Variants in PLAAT5 observed in about 807,000 individuals in gnomAD.
PLAAT5 encodes the protein phospholipase A and acyltransferase 5, also known as Ca(2+)-independent N-acyltransferase.
A neutral mutation model predicts 27.8 loss-of-function variants in PLAAT5; 27 were observed. The observed-to-expected ratio is 0.97, with a 90% CI of 0.72 to 1.34. The LOEUF is 1.34. PLAAT5 is among the 40% of genes most tolerant of loss of function. The probability of loss-of-function intolerance (pLI) is 0.00; values close to 1 mark genes in which losing one functional copy is unlikely to be tolerated. For synonymous variants in PLAAT5, 125 were observed against 136.1 expected (o/e 0.92, Z 0.57); for missense variants, 368 against 343.8 (o/e 1.07, Z -0.56).
At position 63,488,955 on chromosome 11, in the gene PLAAT5, C is replaced by T. The variant is rs2016499987; in HGVS notation, c.261G>A (p.Leu87=). The stretch of plus-strand genomic sequence containing the variant: ...CTGCTTTCTGGCTGGGTGTGGTCTC[C>T]AAGCTAACTACAGCCTTCTCCCTAA... The part of the protein sequence containing the change: ...IQQGEKAVVS[L]ETTPSQKADW... Residue 87 remains leucine (L), a synonymous_variant, in exon 3 of 6, where the codon TTG becomes TTA. Coordinates refer to ENST00000540857, the MANE Select transcript of PLAAT5 (RefSeq NM_001146729.2). The T allele has an allele frequency of 6.2e-7, 1 of 1,612,548 alleles. No homozygotes were observed. Among genetic ancestry groups the T allele is most frequent in the South Asian group, 1.1e-5 (1 of 90,948 alleles).
chr11:63,467,182 C>A (rs1250257318), intron 4 of PLAAT5, among the ~76,000 whole-genome samples: 2 of 152,076 alleles, frequency 1.3e-5, no homozygotes, highest in Non-Finnish European at 2.9e-5. Flanking sequence ...TGAAGAAAAT[C>A]TGCTGATTTT....
chr11:63,483,805 A>ATATATATATATG (rs1565215245), intron 3 of PLAAT5, among the ~76,000 whole-genome samples: 1 of 36,276 alleles, frequency 2.8e-5, no homozygotes, highest in Non-Finnish European at 4.4e-5. Context: ...ATATATGTAT[A>ATATATATATATG]TATATATATA....
chr11:63,484,470 G>A (rs1435271733), intron 3 of PLAAT5, among the ~76,000 whole-genome samples: 1 of 152,152 alleles, frequency 6.6e-6, no homozygotes, highest in Non-Finnish European at 1.5e-5. Flanking sequence ...TTATAGCAGG[G>A]ATGCAGGGAT....
At position 63,463,076 on chromosome 11, in the gene PLAAT5, G is replaced by A. The variant is rs530336053; in HGVS notation, c.*427C>T. 1 of 164,018 alleles carries A rather than the reference G, an allele frequency of 6.1e-6. No individual in the cohort carries two copies. The highest frequency in any genetic ancestry group is 1.8e-4 in the South Asian group (1 of 5,606). 10.2% of individuals were successfully genotyped at this position (164,018 alleles called of 1,614,324 possible). A position where few individuals can be genotyped will look rare whatever the true frequency, so the allele number is the denominator to read the frequency against. On this transcript the variant is annotated 3_prime_UTR_variant, in exon 6 of 6. Transcript: ENST00000540857. ...GATTATCATAAATGGAAAGAAGCTA[G>A]AGACATTTTAGTTAAATAAAAAGAA...
chr11:63,490,817 G>A (rs556717686), intron 1 of PLAAT5, 70 bp downstream of exon 1: 340 of 1,406,694 alleles, frequency 2.4e-4, no homozygotes, highest in Non-Finnish European at 3.4e-5. Flanking sequence ...AAGGAGCTTT[G>A]AGGGTAACCG....
chr11:63,477,544 C>T (rs1290694923), intron 3 of PLAAT5, among the ~76,000 whole-genome samples: 1 of 151,450 alleles, frequency 6.6e-6, no homozygotes, highest in Non-Finnish European at 1.5e-5. Context: ...GGTGTGATCT[C>T]GGCCCACTGC....
intron 3 of PLAAT5, among the ~76,000 whole-genome samples, chr11:63,483,822 T>A (rs1449626520): frequency 0.01 from 1,059 of 103,342 alleles, 43 homozygotes; most frequent in African/African-American, 0.037. Context: ...TATATATATA[T>A]ATATATATAT....
At position 63,490,621 on chromosome 11, in the gene PLAAT5, C is replaced by A. The variant is rs1185676263; in HGVS notation, c.148+266G>T. The stretch of plus-strand genomic sequence containing the variant: ...TAAGCCCGATGGGAGGAACCTCTGC[C>A]GAGCCAGAGCCGGTCTTAACACCAC... On this transcript the variant is annotated intron_variant, in intron 1 of 5. Coordinates refer to ENST00000540857, the MANE Select transcript of PLAAT5 (RefSeq NM_001146729.2). The A allele has an allele frequency of 4.9e-6, 3 of 606,892 alleles. No individual in the cohort carries two copies. In the Admixed American group the frequency reaches 9.0e-5, roughly 18 times the overall value. 37.6% of individuals were successfully genotyped at this position (606,892 alleles called of 1,614,324 possible). A position where few individuals can be genotyped will look rare whatever the true frequency, so the allele number is the denominator to read the frequency against.
At chr11:63,488,254 T>C (rs2016483266) in intron 3 of PLAAT5, among the ~76,000 whole-genome samples, 1 of 152,124 alleles carries the variant, frequency 6.6e-6, no homozygotes, top group African/African-American at 2.4e-5. Context: ...ACAAAAAGCA[T>C]ATCAGTTGTT....
At chr11:63,476,536 C>T (rs1454829398) in intron 3 of PLAAT5, among the ~76,000 whole-genome samples, 2 of 152,136 alleles carry the variant, frequency 1.3e-5, no homozygotes, top group Non-Finnish European at 2.9e-5. Flanking sequence ...TGTCATCCCA[C>T]TGCCTTCTGG....
At chr11:63,477,213 G>T (rs1052022744) in intron 3 of PLAAT5, among the ~76,000 whole-genome samples, 16 of 152,282 alleles carry the variant, frequency 1.1e-4, no homozygotes, top group African/African-American at 3.8e-4. Flanking sequence ...AGTCTCTACT[G>T]TTTTTGTGTG....
At chr11:63,478,120 A>G (rs537275708) in intron 3 of PLAAT5, among the ~76,000 whole-genome samples, 90 of 152,284 alleles carry the variant, frequency 5.9e-4, no homozygotes, top group African/African-American at 2.1e-3. Flanking sequence ...TTGGTCTTCC[A>G]TGATTGTCAC....
chr11:63,482,778 G>C (rs2016317409), intron 3 of PLAAT5, among the ~76,000 whole-genome samples: 1 of 152,142 alleles, frequency 6.6e-6, no homozygotes, highest in South Asian at 2.1e-4. Flanking sequence ...AAAATTGACT[G>C]TAAATGGCCT....
chr11:63,483,814 T>TATATAC, intron 3 of PLAAT5, among the ~76,000 whole-genome samples: 2 of 98,950 alleles, frequency 2.0e-5, no homozygotes, highest in South Asian at 6.8e-4. Flanking sequence ...TATATATATA[T>TATATAC]ATATATATAT....
At chr11:63,464,443 G>A (rs549667203) in intron 5 of PLAAT5, among the ~76,000 whole-genome samples, 14 of 152,234 alleles carry the variant, frequency 9.2e-5, no homozygotes, top group African/African-American at 3.1e-4. Flanking sequence ...GGGTCACGAG[G>A]TCAAGAGATT....
chr11:63,466,118 T>C lies in PLAAT5; in HGVS notation c.709A>G (p.Ser237Gly). 1.2e-6 allele frequency: 2 copies of C among 1,613,812 alleles called. No individual in the cohort carries two copies. The highest frequency in any genetic ancestry group is 2.7e-5 in the African/African-American group (2 of 75,016). ...AGCAAATGGGGTCACACCTGCTGGCTCCGGGGTACGCCATATCTGAGGCCA... is the reference window on the plus strand; with the variant it reads ...AGCAAATGGGGTCACACCTGCTGGCCCCGGGGTACGCCATATCTGAGGCCA... ...VNGLRYGVPR[S>G]QQVEHALMEG... Residue 237 changes from serine to glycine, a missense_variant, in exon 5 of 6, where the codon AGC becomes GGC. Transcript: ENST00000540857.
In PLAAT5 at chr11:63,466,291, A is replaced by G; in HGVS notation, c.536T>C (p.Leu179Pro). 1 of 1,614,210 alleles carries G rather than the reference A, an allele frequency of 6.2e-7. No individual in the cohort carries two copies. Among genetic ancestry groups the G allele is most frequent in the Non-Finnish European group, 8.5e-7 (1 of 1,180,034 alleles). ...VVKYSRLEDV[L>P]HGCSWKVNNK... The stretch of plus-strand genomic sequence containing the variant: ...ATTGACCTTCCAGGAGCAGCCATGC[A>G]GCACATCCTCCAGACGACTGTATTT... The change falls in exon 5 of 6, where the codon CTG becomes CCG. Residue 179 changes from leucine to proline, a missense_variant. Leu to Pro is a moderately conservative substitution (Grantham distance 98). Coordinates refer to ENST00000540857, the MANE Select transcript of PLAAT5 (RefSeq NM_001146729.2).
chr11:63,475,747 CCT>C (rs2016138306), intron 3 of PLAAT5, among the ~76,000 whole-genome samples: 2 of 151,750 alleles, frequency 1.3e-5, no homozygotes, highest in East Asian at 3.9e-4. Context: ...CATTTTAATT[CCT>C]CTGTTAACTT....
chr11:63,474,662 G>A (rs750212947), intron 3 of PLAAT5, among the ~76,000 whole-genome samples: 2 of 151,374 alleles, frequency 1.3e-5, no homozygotes, highest in African/African-American at 2.4e-5. Context: ...CTATTTCATT[G>A]ATTTCTACTC....
Sources: allele counts gnomAD v4.1 joint callset (sites outside exome capture counted in the v4.1 genomes callset), GRCh38; gene constraint gnomAD v4.1.1; transcripts MANE v1.5; gene names NCBI Gene and HGNC (gene_info 2026-07-23, HGNC 2026-07-21).